The following NIPBL variants were observed in gnomAD, a reference collection of about 807,000 sequenced individuals.
NIPBL encodes nipped-B-like protein.
A neutral mutation model predicts 321.8 loss-of-function variants in NIPBL; 19 were observed. The ratio of observed to expected loss-of-function variants is 0.06; its 90% CI spans 0.04 to 0.09. The LOEUF (loss-of-function observed/expected upper bound fraction) is 0.09. Ranked by LOEUF, NIPBL falls within the 10% of genes least tolerant of loss-of-function variation. The pLI is 1.00. For missense variants in NIPBL, 2,210 were observed against 3,327.0 expected, an observed-to-expected ratio of 0.66 and a Z score of 8.26; for synonymous variants, 1,106 against 1,114.1, an observed-to-expected ratio of 0.99 and a Z score of 0.14.
At chr5:36,905,807 G>A (rs970701772) in intron 1 of NIPBL, among the ~76,000 whole-genome samples, 3 of 151,622 alleles carry the variant, frequency 2.0e-5, no homozygotes, top group Admixed American at 2.0e-4. Flanking sequence ...GCAGTGGTGC[G>A]ATCTTGGCTC....
At chr5:36,975,714 A>T in intron 8 of NIPBL, 62 bp from the exon 9 acceptor site, 2 of 1,466,042 alleles carry the variant, frequency 1.4e-6, no homozygotes, top group Non-Finnish European at 1.9e-6. Flanking sequence ...TAATATTTCT[A>T]TCACATTGTA....
rs1747395994 is a variant in NIPBL at position 37,006,109 on chromosome 5, ATTAT to A, written c.3856-247_3856-244del. ...AAAGCACACAAAGGATATAAAGATAATTATAACTTTGTCAGTAGGGTGTCATCTA... is the reference window on the plus strand; with the variant it reads ...AAAGCACACAAAGGATATAAAGATAAAACTTTGTCAGTAGGGTGTCATCTA... On this transcript the variant is annotated intron_variant, in intron 16 of 46. Coordinates refer to ENST00000282516, the MANE Select transcript of NIPBL (RefSeq NM_133433.4). Among the ~76,000 whole-genome samples, 4 of 152,264 alleles carry A rather than the reference ATTAT, an allele frequency of 2.6e-5. No individual in the cohort carries two copies. In the South Asian group the frequency reaches 8.3e-4, roughly 32 times the overall value.
intron 44 of NIPBL, among the ~76,000 whole-genome samples, chr5:37,060,311 A>G (rs1754533330): frequency 6.6e-6 from 1 of 152,184 alleles, no homozygotes; most frequent in Non-Finnish European, 1.5e-5. Flanking sequence ...GATGCATGCC[A>G]CCACACCCAG....
At chr5:37,021,303 C>A (rs115045157) in intron 27 of NIPBL, among the ~76,000 whole-genome samples, 3,353 of 149,526 alleles carry the variant, frequency 0.022, 122 homozygotes, top group African/African-American at 0.079. Flanking sequence ...CCATCTCAAA[C>A]AAAAAAAGAA....
At chr5:37,015,908 A>G in intron 22 of NIPBL, 130 bp from the exon 23 acceptor site, 5 of 770,624 alleles carry the variant, frequency 6.5e-6, no homozygotes, top group East Asian at 2.7e-5. Flanking sequence ...TATTTAATGT[A>G]CATTTATATA....
chr5:36,941,049 G>A (rs951716216), intron 1 of NIPBL, among the ~76,000 whole-genome samples: 17 of 152,186 alleles, frequency 1.1e-4, no homozygotes, highest in Middle Eastern at 3.4e-3. Flanking sequence ...GGTATTAAGT[G>A]CATGATAGTG....
At chr5:37,043,401 G>A (rs201813611) in intron 34 of NIPBL, among the ~76,000 whole-genome samples, 30 of 151,978 alleles carry the variant, frequency 2.0e-4, no homozygotes, top group Admixed American at 1.0e-3. Context: ...GGTGGTGGGC[G>A]CCTGTAATCC....
chr5:36,895,755 T>G (rs1385071079), intron 1 of NIPBL, among the ~76,000 whole-genome samples: 1 of 151,958 alleles, frequency 6.6e-6, no homozygotes, highest in African/African-American at 2.4e-5. Context: ...TTTGTGTATC[T>G]TCTTTGGAGC....
At chr5:36,925,969 T>G (rs1015170765) in intron 1 of NIPBL, among the ~76,000 whole-genome samples, 1 of 152,200 alleles carries the variant, frequency 6.6e-6, no homozygotes, top group African/African-American at 2.4e-5. Context: ...TTTATGAATA[T>G]TTTCTTCTCA....
intron 1 of NIPBL, among the ~76,000 whole-genome samples, chr5:36,881,147 T>C (rs1745472674): frequency 6.6e-6 from 1 of 151,994 alleles, no homozygotes; most frequent in Non-Finnish European, 1.5e-5. Flanking sequence ...AGTGGGATTT[T>C]AGTGTTTCTG....
At chr5:37,017,287 C>CT in intron 24 of NIPBL, 125 bp downstream of exon 24, 1 of 915,744 alleles carries the variant, frequency 1.1e-6, no homozygotes, top group Non-Finnish European at 1.6e-6. Context: ...TAAAAGTGGG[C>CT]TTTTCAAAGC....
At chr5:36,877,208 GCGGCGGCGGCGC>G (rs1291922879) in intron 1 of NIPBL, 30 bp downstream of exon 1, 2 of 204,726 alleles carry the variant, frequency 9.8e-6, no homozygotes, top group African/African-American at 2.3e-5. Context: ...TTCGGCGGCG[GCGGCGGCGGCGC>G]CGGCGCCAGG....
At chr5:37,027,505 A>T in intron 32 of NIPBL, 93 bp downstream of exon 32, 1 of 918,364 alleles carries the variant, frequency 1.1e-6, no homozygotes. Flanking sequence ...ATGATTTAAA[A>T]GAACCTTTTT....
chr5:37,050,222 T>C (rs1256417237), intron 40 of NIPBL, among the ~76,000 whole-genome samples: 1 of 152,060 alleles, frequency 6.6e-6, no homozygotes, highest in African/African-American at 2.4e-5. Context: ...CCCAGCACTT[T>C]GGGAGGCAGA....
intron 1 of NIPBL, among the ~76,000 whole-genome samples, chr5:36,881,585 A>G (rs965696701): frequency 2.6e-5 from 4 of 151,964 alleles, no homozygotes; most frequent in Non-Finnish European, 2.9e-5. Context: ...AAAACTGCCC[A>G]TGGTCCTACA....
intron 1 of NIPBL, among the ~76,000 whole-genome samples, chr5:36,950,517 C>T (rs1740167320): frequency 1.3e-5 from 2 of 152,076 alleles, no homozygotes; most frequent in Admixed American, 1.3e-4. Context: ...TTTACCTGAA[C>T]TCACAAAGCA....
At chr5:37,060,145 T>C (rs1166050135) in intron 44 of NIPBL, among the ~76,000 whole-genome samples, 1 of 152,142 alleles carries the variant, frequency 6.6e-6, no homozygotes, top group Non-Finnish European at 1.5e-5. Flanking sequence ...GCTCCCACTT[T>C]TTCAGGAGAC....
rs1746174447 is a variant in NIPBL at position 36,996,763 on chromosome 5, A to G, written c.3304+959A>G. On this transcript the variant is annotated intron_variant, in intron 11 of 46. Coordinates refer to ENST00000282516, the MANE Select transcript of NIPBL (RefSeq NM_133433.4). This position sits in a 1 kb window ranked among gnomAD's most constrained non-coding sequence, Gnocchi z 5.0. ...GAAGTGGGAAGACCACCAGTGTTCT[A>G]CTTTTTCCACCTAGTGTCCATAGAT... 1 of 261,056 alleles carries G rather than the reference A, an allele frequency of 3.8e-6. No individual in the cohort carries two copies. The allele number at this position is 261,056 out of a possible 1,614,324, so 16.2% of individuals were successfully genotyped here.
chr5:36,982,217 T>A, intron 9 of NIPBL: 1 of 981,560 alleles, frequency 1.0e-6, no homozygotes. Context: ...TGAAGAGGGC[T>A]TACAGGTAAT....
Sources: allele counts gnomAD v4.1 joint callset (sites outside exome capture counted in the v4.1 genomes callset), GRCh38; gene constraint gnomAD v4.1.1; non-coding constraint Gnocchi (gnomAD v3.1); transcripts MANE v1.5; gene names NCBI Gene and HGNC (gene_info 2026-07-23, HGNC 2026-07-21).